The following ERBB3 variants were observed in gnomAD, a reference collection of about 807,000 sequenced individuals.
The protein encoded by ERBB3 is erb-b2 receptor tyrosine kinase 3.
Under a neutral mutation model 156.7 loss-of-function variants are expected in ERBB3, and 96 were observed. The observed-to-expected ratio is 0.61, with a 90% CI of 0.52 to 0.73. The LOEUF is 0.73. ERBB3 is among the 30% of genes least tolerant of loss of function. The pLI is 0.00. For synonymous variants in ERBB3, 567 were observed against 632.0 expected, an observed-to-expected ratio of 0.90 and a Z score of 1.54; for missense variants, 1,406 against 1,709.4, an observed-to-expected ratio of 0.82 and a Z score of 3.13.
At position 56,080,272 on chromosome 12, in the gene ERBB3, G is replaced by A. The variant is rs376595441; in HGVS notation, c.-29G>A. 1.3e-6 allele frequency: 2 copies of A among 1,545,508 alleles called. No individual in the cohort carries two copies. The highest frequency in any genetic ancestry group is 1.8e-6 in the Non-Finnish European group (2 of 1,141,588). Reference sequence around the variant, plus strand: ...CCTAGGGGCCCCCGGGCCGGACTTGGCTGGGCTCCCTTCACCCTCTGCGGA... The same window carrying A: ...CCTAGGGGCCCCCGGGCCGGACTTGACTGGGCTCCCTTCACCCTCTGCGGA... On this transcript the variant is annotated 5_prime_UTR_variant, in exon 1 of 28. Transcript: ENST00000267101.
At position 56,086,617 on chromosome 12, in the gene ERBB3, C is replaced by T. The variant is rs751430378; in HGVS notation, c.508C>T (p.Arg170Ter). 3 of 1,614,040 alleles carry T rather than the reference C, an allele frequency of 1.9e-6. No individual in the cohort carries two copies. Among genetic ancestry groups the T allele is most frequent in the Admixed American group, 1.7e-5 (1 of 60,006 alleles). ...TGACTGGAGGGACATCGTGAGGGAC[C>T]GAGATGCTGAGATAGTGGTGAAGGA... ...TIDWRDIVRD[R>*]DAEIVVKDNG... The change falls in exon 4 of 28, where the codon CGA becomes TGA. Residue 170 changes from arginine (R) to a stop codon, truncating the protein, a stop_gained. Coordinates refer to ENST00000267101, the MANE Select transcript of ERBB3 (RefSeq NM_001982.4). LOFTEE classifies it high-confidence loss of function.
At position 56,087,732 on chromosome 12, in the gene ERBB3, G is replaced by A. The variant is rs1868533848; in HGVS notation, c.614-63G>A. ...TGGGTCAACACTGTGGGGGAGGCAT[G>A]AGCAGTGGCCTCAGAATTCAGTCCT... On this transcript the variant is annotated intron_variant, in intron 5 of 27. Coordinates refer to ENST00000267101, the MANE Select transcript of ERBB3 (RefSeq NM_001982.4). The A allele has an allele frequency of 2.5e-6, 4 of 1,583,868 alleles. No individual in the cohort carries two copies. The South Asian group carries it at 3.3e-5, about 13-fold the overall frequency.
At position 56,084,976 on chromosome 12, in the gene ERBB3, A is replaced by G. The variant is rs2136787627; in HGVS notation, c.235-19A>G. The G allele has an allele frequency of 6.2e-7, 1 of 1,614,066 alleles. No individual in the cohort carries two copies. Among genetic ancestry groups the G allele is most frequent in the Non-Finnish European group, 8.5e-7 (1 of 1,179,946 alleles). On this transcript the variant is annotated intron_variant, in intron 2 of 27. Transcript: ENST00000267101. ...TTGCCCTGTTGTCTCTCTCATTTAC[A>G]TAATCTGCTCTGTCACAGTGGATTC...
rs1868902577 is a variant in ERBB3 at position 56,096,778 on chromosome 12, A to G, written c.2206A>G (p.Lys736Glu). ...GTGGATCCCTGAGGGTGAATCAATCAAGATTCCAGTCTGCATTAAAGTCAT... is the reference window on the plus strand; with the variant it reads ...GTGGATCCCTGAGGGTGAATCAATCGAGATTCCAGTCTGCATTAAAGTCAT... ...GVWIPEGESI[K>E]IPVCIKVIED... Residue 736 changes from lysine to glutamate, a missense_variant, in exon 19 of 28, where the codon AAG becomes GAG. Physicochemically the swap from Lys to Glu is moderately conservative, Grantham distance 56. Around this residue, in one of 3 missense-constraint regions of ERBB3, gnomAD observed 979 missense variants for 1,219.6 expected, o/e 0.80. Transcript: ENST00000267101. 1 of 1,613,872 alleles carries G rather than the reference A, an allele frequency of 6.2e-7. No homozygotes were observed. Among genetic ancestry groups the G allele is most frequent in the Admixed American group, 1.7e-5 (1 of 59,992 alleles).
chr12:56,083,295 G>C (rs1419524089), intron 1 of ERBB3: 1 of 289,342 alleles, frequency 3.5e-6, no homozygotes, highest in Non-Finnish European at 6.8e-6. Flanking sequence ...CACAATAGGG[G>C]CTGTGTACTA....
At chr12:56,091,310 A>AAC (rs1868688907) in intron 9 of ERBB3, among the ~76,000 whole-genome samples, 3 of 3,408 alleles carry the variant, frequency 8.8e-4, no homozygotes, top group African/African-American at 6.3e-3. Context: ...AATATATATA[A>AAC]ATATAAATAT....
chr12:56,096,310 C>T, intron 17 of ERBB3, 193 bp from the exon 18 acceptor site: 1 of 673,368 alleles, frequency 1.5e-6, no homozygotes, highest in Non-Finnish European at 2.6e-6. Flanking sequence ...TTCCTGATCT[C>T]ATGAGCACAA....
rs774095251 is a variant in ERBB3 at position 56,085,147 on chromosome 12, C to A, written c.387C>A (p.His129Gln). 1 of 1,614,128 alleles carries A rather than the reference C, an allele frequency of 6.2e-7. No homozygotes were observed. The highest frequency in any genetic ancestry group is 8.5e-7 in the Non-Finnish European group (1 of 1,180,030). The change falls in exon 3 of 28, where the codon CAC (histidine) becomes CAA (glutamine). Residue 129 changes from histidine (H) to glutamine (Q), a missense_variant. Physicochemically the swap from His to Gln is conservative, Grantham distance 24. Coordinates refer to ENST00000267101, the MANE Select transcript of ERBB3 (RefSeq NM_001982.4). ...TGAACTATAACACCAACTCCAGCCACGCTCTGCGCCAGCTCCGCTTGACTC... is the reference window on the plus strand; with the variant it reads ...TGAACTATAACACCAACTCCAGCCAAGCTCTGCGCCAGCTCCGCTTGACTC... ...VMLNYNTNSS[H>Q]ALRQLRLTQL...
intron 7 of ERBB3, 71 bp downstream of exon 7, chr12:56,088,233 G>A: frequency 6.5e-7 from 1 of 1,542,312 alleles, no homozygotes; most frequent in Admixed American, 1.7e-5. Context: ...ATTGTGGAAG[G>A]GAAAAAGAAT....
At chr12:56,095,426 A>AGTGATAGTGGACTG in intron 16 of ERBB3, 116 bp downstream of exon 16, 1 of 953,830 alleles carries the variant, frequency 1.0e-6, no homozygotes, top group Non-Finnish European at 1.7e-6. Context: ...TATGCAGTCC[A>AGTGATAGTGGACTG]CTATCACTGG....
chr12:56,090,645 G>A (rs993368778), intron 9 of ERBB3, among the ~76,000 whole-genome samples: 53 of 151,412 alleles, frequency 3.5e-4, no homozygotes, highest in African/African-American at 1.0e-3. Flanking sequence ...TCTGTCCCCC[G>A]CCAAAAAAAA....
chr12:56,080,402 C>CG lies in ERBB3; in HGVS notation c.82+22dup. ...AGGCAGGTAAGTGGCGCGAGAGCAC[C>CG]GGCGGGCTCGGCACCTGGGAGCCGG... On this transcript the variant is annotated intron_variant, in intron 1 of 27. Coordinates refer to ENST00000267101, the MANE Select transcript of ERBB3 (RefSeq NM_001982.4). The CG allele has an allele frequency of 6.4e-7, 1 of 1,559,448 alleles. No homozygotes were observed. The highest frequency in any genetic ancestry group is 1.2e-5 in the South Asian group (1 of 86,198).
At position 56,080,367 on chromosome 12, in the gene ERBB3, G is replaced by A. The variant is rs1868338662; in HGVS notation, c.67G>A (p.Gly23Ser). 2 of 1,594,318 alleles carry A rather than the reference G, an allele frequency of 1.3e-6. No homozygotes were observed. The highest frequency in any genetic ancestry group is 1.1e-5 in the South Asian group (1 of 88,338). ...LFSLARGSEV[G>S]NSQAVCPGTL... is the part of the protein sequence containing the mutation. ...CAGCCTGGCCCGGGGCTCCGAGGTG[G>A]GCAACTCTCAGGCAGGTAAGTGGCG... The change falls in exon 1 of 28, where the codon GGC becomes AGC. Residue 23 changes from glycine to serine, a missense_variant. By Grantham distance (56) the Gly-to-Ser change is moderately conservative. Around this residue, in one of 3 missense-constraint regions of ERBB3, gnomAD observed 979 missense variants for 1,219.6 expected, o/e 0.80. Coordinates refer to ENST00000267101, the MANE Select transcript of ERBB3 (RefSeq NM_001982.4).
intron 9 of ERBB3, among the ~76,000 whole-genome samples, chr12:56,090,220 G>A (rs1264541306): frequency 4.6e-5 from 7 of 151,758 alleles, no homozygotes; most frequent in African/African-American, 1.5e-4. Flanking sequence ...GGCTGGTCTC[G>A]AACTCCTGAC....
chr12:56,098,209 C>A lies in ERBB3; in HGVS notation c.2616+269C>A. On this transcript the variant is annotated intron_variant, in intron 21 of 27. Transcript: ENST00000267101. ...CACAAGGTCAGGAGATCAAGACCATCCTGGCTAGCACGGTGAAACCCCGTC... is the reference window on the plus strand; with the variant it reads ...CACAAGGTCAGGAGATCAAGACCATACTGGCTAGCACGGTGAAACCCCGTC... 3.6e-6 allele frequency: 2 copies of A among 554,984 alleles called. 1 individual carries two copies. Among genetic ancestry groups the A allele is most frequent in the South Asian group, 4.1e-5 (2 of 48,364 alleles). 34.4% of individuals were successfully genotyped at this position (554,984 alleles called of 1,614,324 possible). A position where few individuals can be genotyped will look rare whatever the true frequency, so the allele number is the denominator to read the frequency against.
intron 2 of ERBB3, 84 bp from the exon 3 acceptor site, chr12:56,084,911 G>C: frequency 1.2e-6 from 2 of 1,601,772 alleles, no homozygotes; most frequent in Non-Finnish European, 1.7e-6. Flanking sequence ...CAGTTAAAGA[G>C]TCTTTAATGC....
At chr12:56,081,509 G>A (rs1868353458) in intron 1 of ERBB3, among the ~76,000 whole-genome samples, 3 of 152,164 alleles carry the variant, frequency 2.0e-5, no homozygotes, top group Non-Finnish European at 4.4e-5. Flanking sequence ...TAGATCCTGG[G>A]ATTTTTAGAT....
intron 2 of ERBB3, among the ~76,000 whole-genome samples, chr12:56,084,351 C>T (rs1868404396): frequency 6.6e-6 from 1 of 152,202 alleles, no homozygotes; most frequent in South Asian, 2.1e-4. Context: ...TGGCTCATGC[C>T]TGTAATCCCA....
intron 1 of ERBB3, 73 bp from the exon 2 acceptor site, chr12:56,083,678 G>T: frequency 6.4e-7 from 1 of 1,572,088 alleles, no homozygotes; most frequent in South Asian, 1.1e-5. Flanking sequence ...CCAAGGGGGT[G>T]ATCTTTGGGG....
Sources: gnomAD v4.1 joint callset for allele counts (sites outside exome capture counted in the v4.1 genomes callset) on GRCh38, gnomAD v4.1.1 for gene constraint, gnomAD v4.1.1 regional missense constraint, MANE v1.5 for transcripts, NCBI Gene and HGNC (gene_info 2026-07-23, HGNC 2026-07-21) for gene names.